The following FAM151B variants were observed in gnomAD, a reference collection of about 807,000 sequenced individuals.
The protein encoded by FAM151B is protein FAM151B.
FAM151B carries 24 observed loss-of-function variants against 31.2 expected under a neutral mutation model. The ratio of observed to expected loss-of-function variants is 0.77; its 90% confidence interval spans 0.56 to 1.08. The LOEUF (loss-of-function observed/expected upper bound fraction) is 1.08. FAM151B is among the 50% of genes least tolerant of loss of function. The pLI, the probability that FAM151B is intolerant of heterozygous loss-of-function variation, is 0.00. For missense variants in FAM151B, 293 were observed against 328.6 expected (o/e 0.89, Z 0.84); for synonymous variants, 105 against 111.4 (o/e 0.94, Z 0.36).
chr5:80,518,652 C>T (rs548369272), intron 3 of FAM151B: 1 of 152,338 alleles, frequency 6.6e-6, no homozygotes, highest in African/African-American at 2.4e-5. Flanking sequence ...GGGAAAGGGG[C>T]TAGAAGCTAA....
intron 2 of FAM151B, among the ~76,000 whole-genome samples, chr5:80,504,437 A>G (rs1201727129): frequency 6.8e-6 from 1 of 147,514 alleles, no homozygotes; most frequent in Admixed American, 6.8e-5. Flanking sequence ...GGGCCCAGAG[A>G]CTCCTCAACT....
Position 80,519,812 on chromosome 5 carries a change from A to G in FAM151B, c.437A>G (p.Asp146Gly). ...CCAAATGGAAATAGCAAAGTAATAG[A>G]TGCAAAACCATTTTTAGACACCGTG... is the stretch of plus-strand genomic sequence containing the variant. ...PGPNGNSKVI[D>G]AKPFLDTVIS... Residue 146 changes from aspartate (D) to glycine (G), a missense_variant, in exon 4 of 6, where the codon GAT (aspartate) becomes GGT (glycine). Physicochemically the swap from Asp to Gly is moderately conservative, Grantham distance 94. Coordinates refer to ENST00000282226, the MANE Select transcript of FAM151B (RefSeq NM_205548.3). 1.2e-6 allele frequency: 2 copies of G among 1,614,152 alleles called. No individual in the cohort carries two copies. The highest frequency in any genetic ancestry group is 1.7e-6 in the Non-Finnish European group (2 of 1,180,000).
At chr5:80,497,202 G>C (rs1224642315) in intron 1 of FAM151B, among the ~76,000 whole-genome samples, 4 of 152,038 alleles carry the variant, frequency 2.6e-5, no homozygotes, top group Non-Finnish European at 2.9e-5. Context: ...AAGGGCAGCA[G>C]ATTGCTTGAG....
intron 2 of FAM151B, among the ~76,000 whole-genome samples, chr5:80,507,561 A>T (rs761833241): frequency 6.6e-6 from 1 of 151,158 alleles, no homozygotes; most frequent in Non-Finnish European, 1.5e-5. Context: ...CATGCCTGTA[A>T]TCCCAGCTAC....
At chr5:80,515,011 G>T (rs909166683) in intron 3 of FAM151B, among the ~76,000 whole-genome samples, 1 of 152,038 alleles carries the variant, frequency 6.6e-6, no homozygotes, top group African/African-American at 2.4e-5. Flanking sequence ...AGGCCAAGGC[G>T]GGTGGATCAC....
At chr5:80,512,048 C>G (rs1744211924) in intron 2 of FAM151B, among the ~76,000 whole-genome samples, 1 of 151,964 alleles carries the variant, frequency 6.6e-6, no homozygotes, top group South Asian at 2.1e-4. Flanking sequence ...GCATTTTTTT[C>G]AAATTTGACT....
rs1744331902 is a variant in FAM151B, at chr5:80,514,482, TAATAATA to T, written c.317+715_317+721del. Among the ~76,000 whole-genome samples the T allele has an allele frequency of 2.4e-5, 3 of 124,434 alleles. No individual in the cohort carries two copies. In the South Asian group the frequency reaches 7.1e-4, roughly 30 times the overall value. The allele number at this position is 124,434 out of a possible 152,430, so 81.6% of individuals were successfully genotyped here. A position where few individuals can be genotyped will look rare whatever the true frequency, so the allele number is the denominator to read the frequency against. On this transcript the variant is annotated intron_variant, in intron 3 of 5. Coordinates refer to ENST00000282226, the MANE Select transcript of FAM151B (RefSeq NM_205548.3). ...AAGAGTGAAACTCCCTCTCAAATAA[TAATAATA>T]ATAATAATAATAATAATAATAATAA...
chr5:80,506,510 A>G (rs1442788040), intron 2 of FAM151B, among the ~76,000 whole-genome samples: 3 of 152,148 alleles, frequency 2.0e-5, no homozygotes, highest in South Asian at 2.1e-4. Flanking sequence ...CTGAATTTCT[A>G]TTTATTTGCC....
intron 2 of FAM151B, among the ~76,000 whole-genome samples, chr5:80,507,157 A>C (rs543523447): frequency 1.3e-5 from 2 of 150,390 alleles, no homozygotes; most frequent in South Asian, 4.2e-4. Flanking sequence ...CAAGGGAGTG[A>C]GCTCTTCTCT....
At chr5:80,538,069 A>G (rs1275531499) in intron 5 of FAM151B, among the ~76,000 whole-genome samples, 3 of 108,160 alleles carry the variant, frequency 2.8e-5, no homozygotes, top group Non-Finnish European at 5.6e-5. Context: ...TTTTTATTTT[A>G]TTAATTTTTT....
intron 1 of FAM151B, among the ~76,000 whole-genome samples, chr5:80,488,394 A>T (rs1439139438): frequency 6.6e-6 from 1 of 152,226 alleles, no homozygotes; most frequent in East Asian, 1.9e-4. Flanking sequence ...CGAGAATGGC[A>T]GGGTCAGTGT....
At chr5:80,533,595 C>T (rs1745346784) in intron 5 of FAM151B, among the ~76,000 whole-genome samples, 2 of 150,642 alleles carry the variant, frequency 1.3e-5, no homozygotes, top group Non-Finnish European at 3.0e-5. Context: ...ACTAAAAATA[C>T]AACAATTAAC....
chr5:80,511,289 C>G (rs1744174422), intron 2 of FAM151B, among the ~76,000 whole-genome samples: 1 of 151,832 alleles, frequency 6.6e-6, no homozygotes, highest in African/African-American at 2.4e-5. Flanking sequence ...CTGGGCAACA[C>G]AGTGAGACCT....
At chr5:80,519,604 T>C in intron 3 of FAM151B, 89 bp from the exon 4 acceptor site, 1 of 1,052,548 alleles carries the variant, frequency 9.5e-7, no homozygotes. Context: ...TGATTATGAA[T>C]TTGAGAACAT....
chr5:80,523,452 C>A (rs1490811148), intron 5 of FAM151B, among the ~76,000 whole-genome samples: 1 of 152,132 alleles, frequency 6.6e-6, no homozygotes, highest in Non-Finnish European at 1.5e-5. Context: ...TTGGCATATA[C>A]TCATGAATTT....
chr5:80,528,955 C>T (rs1427674681), intron 5 of FAM151B, among the ~76,000 whole-genome samples: 5 of 152,186 alleles, frequency 3.3e-5, no homozygotes, highest in Non-Finnish European at 7.3e-5. Context: ...CACCACATCG[C>T]ATTTATTCCA....
At chr5:80,518,224 A>G (rs1744553549) in intron 3 of FAM151B, among the ~76,000 whole-genome samples, 1 of 152,162 alleles carries the variant, frequency 6.6e-6, no homozygotes, top group Admixed American at 6.6e-5. Flanking sequence ...CCCAGCTTCC[A>G]TAAGACACCA....
At chr5:80,488,921 A>G (rs1743211500) in intron 1 of FAM151B, among the ~76,000 whole-genome samples, 1 of 152,072 alleles carries the variant, frequency 6.6e-6, no homozygotes, top group South Asian at 2.1e-4. Flanking sequence ...GTATATTAGT[A>G]TAGGGAAATA....
At chr5:80,531,419 C>T (rs1745239365) in intron 5 of FAM151B, among the ~76,000 whole-genome samples, 1 of 152,096 alleles carries the variant, frequency 6.6e-6, no homozygotes, top group Non-Finnish European at 1.5e-5. Flanking sequence ...TTCTGCACAG[C>T]AAAAGAAACT....
Sources: allele counts gnomAD v4.1 joint callset (sites outside exome capture counted in the v4.1 genomes callset), GRCh38; gene constraint gnomAD v4.1.1; transcripts MANE v1.5; gene names NCBI Gene and HGNC (gene_info 2026-07-23, HGNC 2026-07-21).